Variants in CES5A observed in about 807,000 individuals in gnomAD.
CES5A encodes carboxylesterase 5.
Under a neutral mutation model 62.9 loss-of-function variants are expected in CES5A, and 67 were observed. That is an observed-to-expected ratio of 1.07 (90% confidence interval 0.88 to 1.31). The LOEUF (loss-of-function observed/expected upper bound fraction) is 1.31. Ranked by LOEUF, CES5A falls within the 50% of genes most tolerant of loss-of-function variation. The probability of loss-of-function intolerance (pLI) is 0.00; values close to 1 mark genes in which losing one functional copy is unlikely to be tolerated. For missense variants in CES5A, 748 were observed against 708.5 expected, an observed-to-expected ratio of 1.06 and a Z score of -0.63; for synonymous variants, 296 against 280.8, an observed-to-expected ratio of 1.05 and a Z score of -0.54.
At chr16:55,856,100 TC>T (rs1308143014) in intron 9 of CES5A, among the ~76,000 whole-genome samples, 3 of 152,122 alleles carry the variant, frequency 2.0e-5, no homozygotes, top group Non-Finnish European at 4.4e-5. Flanking sequence ...TCCTGAGGCC[TC>T]CCGAGAAGCT....
chr16:55,883,841 C>G (rs144490601), intron 1 of CES5A, among the ~76,000 whole-genome samples: 1 of 152,300 alleles, frequency 6.6e-6, no homozygotes, highest in Non-Finnish European at 1.5e-5. Context: ...CACCTGGGCA[C>G]TAGAGAAATG....
rs113880150 is a variant in CES5A, at chr16:55,873,913, C to A, written c.198G>T (p.Pro66=). 8.8e-5 allele frequency: 142 copies of A among 1,613,848 alleles called. No homozygotes were observed. The Middle Eastern group carries it at 1.2e-3, about 13-fold the overall frequency. Reference sequence around the variant, plus strand: ...GGTTCGTAAATCGCAGGGATCCCAGCGGGGGAGCAGCAAAGGGGACTCCGA... The same window carrying A: ...GGTTCGTAAATCGCAGGGATCCCAGAGGGGGAGCAGCAAAGGGGACTCCGA... ...VFLGVPFAAP[P]LGSLRFTNPQ... The change falls in exon 2 of 13, where the codon CCG becomes CCT. Residue 66 remains proline (P), a synonymous_variant. Coordinates refer to ENST00000290567, the MANE Select transcript of CES5A (RefSeq NM_001143685.2).
intron 1 of CES5A, among the ~76,000 whole-genome samples, chr16:55,917,452 A>G (rs1342469688): frequency 6.6e-6 from 1 of 152,244 alleles, no homozygotes. Flanking sequence ...AGGTGTAACC[A>G]AGGGAAACTT....
chr16:55,899,620 C>T (rs1349549823), intron 1 of CES5A, among the ~76,000 whole-genome samples: 1 of 152,160 alleles, frequency 6.6e-6, no homozygotes, highest in Non-Finnish European at 1.5e-5. Context: ...AGAATCTCAC[C>T]TTCTAAGTTT....
At chr16:55,884,835 G>T (rs564102634) in intron 1 of CES5A, among the ~76,000 whole-genome samples, 1 of 151,970 alleles carries the variant, frequency 6.6e-6, no homozygotes, top group African/African-American at 2.4e-5. Context: ...TAAGTGATCC[G>T]CCCACCTAGG....
chr16:55,933,615 A>C (rs1160422228), intron 2 of CES5A, among the ~76,000 whole-genome samples: 1 of 152,080 alleles, frequency 6.6e-6, no homozygotes, highest in Non-Finnish European at 1.5e-5. Flanking sequence ...AAGTGGGTGA[A>C]TTATCTCACT....
At chr16:55,871,578 C>G in intron 3 of CES5A, 47 bp downstream of exon 3, 1 of 1,607,546 alleles carries the variant, frequency 6.2e-7, no homozygotes, top group Non-Finnish European at 8.5e-7. Flanking sequence ...GATCCCAGGC[C>G]AAGGTCCTGC....
chr16:55,930,592 T>G (rs1314594910), intron 2 of CES5A, among the ~76,000 whole-genome samples: 1 of 152,222 alleles, frequency 6.6e-6, no homozygotes, highest in Non-Finnish European at 1.5e-5. Flanking sequence ...CCTTGCCAGA[T>G]GCAGCCCCTC....
intron 1 of CES5A, among the ~76,000 whole-genome samples, chr16:55,913,301 G>T (rs1273073565): frequency 2.6e-5 from 4 of 152,132 alleles, no homozygotes; most frequent in African/African-American, 9.7e-5. Flanking sequence ...TTGCCGGTCT[G>T]GGTGGTGTCA....
intron 2 of CES5A, among the ~76,000 whole-genome samples, chr16:55,934,781 T>C (rs2034352552): frequency 6.6e-6 from 1 of 151,986 alleles, no homozygotes; most frequent in South Asian, 2.1e-4. Context: ...AGTCCCAAGG[T>C]CTGCAGTCAG....
intron 5 of CES5A, 33 bp downstream of exon 5, chr16:55,865,930 A>C: frequency 3.1e-6 from 5 of 1,613,682 alleles, no homozygotes; most frequent in Non-Finnish European, 4.2e-6. Context: ...TCCGGCACTG[A>C]GATTCATTCA....
intron 1 of CES5A, among the ~76,000 whole-genome samples, chr16:55,914,624 T>C (rs1174516287): frequency 3.3e-5 from 5 of 152,192 alleles, no homozygotes; most frequent in African/African-American, 1.2e-4. Context: ...CATCAGAATG[T>C]CTAGGGAAGG....
In CES5A at chr16:55,866,095, C is replaced by A. The variant is rs188009043; in HGVS notation, c.573G>T (p.Pro191=). Reference sequence around the variant, plus strand: ...CCTGGTCCTTGAAGGCCCAGTTCCCCGGAGCATGCTGATCCCATGTGCTGA... The same window carrying A: ...CCTGGTCCTTGAAGGCCCAGTTCCCAGGAGCATGCTGATCCCATGTGCTGA... ...GFFTTWDQHA[P]GNWAFKDQVA... The change falls in exon 5 of 13, where the codon CCG becomes CCT. Residue 191 remains proline, a synonymous_variant. Coordinates refer to ENST00000290567, the MANE Select transcript of CES5A (RefSeq NM_001143685.2). 9 of 1,613,498 alleles carry A rather than the reference C, an allele frequency of 5.6e-6. No individual in the cohort carries two copies. Among genetic ancestry groups the A allele is most frequent in the Non-Finnish European group, 7.6e-6 (9 of 1,179,694 alleles).
chr16:55,933,120 C>G (rs1162511534), intron 2 of CES5A, among the ~76,000 whole-genome samples: 1 of 152,174 alleles, frequency 6.6e-6, no homozygotes, highest in African/African-American at 2.4e-5. Context: ...GAATACATGG[C>G]CTTCAAGGCC....
intron 1 of CES5A, among the ~76,000 whole-genome samples, chr16:55,880,962 G>A (rs1378842898): frequency 6.6e-6 from 1 of 152,298 alleles, no homozygotes; most frequent in Non-Finnish European, 1.5e-5. Context: ...GTAAAGGTAA[G>A]GTTGAGCCTA....
rs1237847598 is a variant in CES5A at position 55,865,878 on chromosome 16, GCAA to G, written c.705+82_705+84del. The G allele has an allele frequency of 2.0e-5, 29 of 1,448,508 alleles. 2 individuals carry two copies. In the Middle Eastern group the frequency reaches 3.0e-3, roughly 147 times the overall value. 89.7% of individuals were successfully genotyped at this position (1,448,508 alleles called of 1,614,324 possible). A position where few individuals can be genotyped will look rare whatever the true frequency, so the allele number is the denominator to read the frequency against. ...ATTAAAGGGTTTGTTCAACATGAAGGCAACAATCAAATGTTAGTGACTCATCAT... is the reference window on the plus strand; with the variant it reads ...ATTAAAGGGTTTGTTCAACATGAAGGCAATCAAATGTTAGTGACTCATCAT... On this transcript the variant is annotated intron_variant, in intron 5 of 12. Transcript: ENST00000290567.
chr16:55,852,836 GCCTCACTGGGCTATGGT>G (rs766006344), intron 10 of CES5A, 28 bp downstream of exon 10: 3 of 1,581,898 alleles, frequency 1.9e-6, no homozygotes, highest in Non-Finnish European at 2.6e-6. Flanking sequence ...GTGGCCACCA[GCCTCACTGGGCTATGGT>G]CCTGGAGCGG....
chr16:55,869,914 C>T lies in CES5A; in HGVS notation c.418-170G>A, dbSNP rs112139348. 1.6e-3 allele frequency among the ~76,000 whole-genome samples: 250 copies of T among 152,340 alleles called. 2 individuals carry two copies. The highest frequency in any genetic ancestry group is 5.9e-3 in the African/African-American group (247 of 41,578). On this transcript the variant is annotated intron_variant, in intron 3 of 12. Coordinates refer to ENST00000290567, the MANE Select transcript of CES5A (RefSeq NM_001143685.2). ...AGGGTTAAGCATGTGGGCTCTGGCA[C>T]CTGAGTGCCTCGATTTGACTCCCAG...
intron 2 of CES5A, among the ~76,000 whole-genome samples, chr16:55,943,242 C>G (rs113507509): frequency 2.0e-5 from 3 of 152,354 alleles, no homozygotes; most frequent in African/African-American, 7.2e-5. Context: ...ATCCATTCCC[C>G]TATTCCCTCC....
Sources: allele counts gnomAD v4.1 joint callset (sites outside exome capture counted in the v4.1 genomes callset), GRCh38; gene constraint gnomAD v4.1.1; transcripts MANE v1.5; gene names NCBI Gene and HGNC (gene_info 2026-07-23, HGNC 2026-07-21).